The following CDC42BPA variants were observed in gnomAD, a reference collection of about 807,000 sequenced individuals.
CDC42BPA encodes the protein CDC42 binding protein kinase alpha.
Under a neutral mutation model 223.5 loss-of-function variants are expected in CDC42BPA, and 80 were observed. The observed-to-expected ratio is 0.36, with a 90% CI of 0.30 to 0.43. The LOEUF (loss-of-function observed/expected upper bound fraction) is 0.43. Among genes scored for constraint, CDC42BPA ranks in the 20% least tolerant of loss-of-function variants. CDC42BPA has a pLI of 1.00. For missense variants in CDC42BPA, 1,743 were observed against 2,099.9 expected, an observed-to-expected ratio of 0.83 and a Z score of 3.32; for synonymous variants, 694 against 718.6, an observed-to-expected ratio of 0.97 and a Z score of 0.55.
In CDC42BPA at chr1:227,304,402, T is replaced by C. The variant is rs1692200846; in HGVS notation, c.178+12603A>G. On this transcript the variant is annotated intron_variant, in intron 1 of 36. Transcript: ENST00000366766. Reference sequence around the variant, plus strand: ...GCCTGGGCAACAAAGCAAGATTCTATCTCAAAAAAAAAACAAAAAAAGAAA... The same window carrying C: ...GCCTGGGCAACAAAGCAAGATTCTACCTCAAAAAAAAAACAAAAAAAGAAA... Among the ~76,000 whole-genome samples, 2 of 135,280 alleles carry C rather than the reference T, an allele frequency of 1.5e-5. 1 individual carries two copies. 88.7% of individuals were successfully genotyped at this position (135,280 alleles called of 152,430 possible). A position where few individuals can be genotyped will look rare whatever the true frequency, so the allele number is the denominator to read the frequency against.
intron 1 of CDC42BPA, among the ~76,000 whole-genome samples, chr1:227,256,938 TATATATACAGACAC>T (rs1233097046): frequency 6.7e-5 from 8 of 120,086 alleles, no homozygotes; most frequent in South Asian, 3.0e-4. Flanking sequence ...AAATGTGATA[TATATATACAGACAC>T]ACACACACAC....
At chr1:227,303,190 A>C (rs1691965469) in intron 1 of CDC42BPA, among the ~76,000 whole-genome samples, 1 of 152,182 alleles carries the variant, frequency 6.6e-6, no homozygotes, top group Admixed American at 6.5e-5. Flanking sequence ...TCCTTGGGTG[A>C]AACCCCCTGA....
chr1:227,035,683 C>A, intron 24 of CDC42BPA, 76 bp from the exon 25 acceptor site: 2 of 1,029,650 alleles, frequency 1.9e-6, no homozygotes. Context: ...TCACTGCATA[C>A]AAGATGCTAT....
intron 15 of CDC42BPA, among the ~76,000 whole-genome samples, chr1:227,096,733 A>G (rs752726014): frequency 2.6e-5 from 4 of 152,062 alleles, no homozygotes; most frequent in Non-Finnish European, 4.4e-5. Context: ...GTAAATATCA[A>G]TGCTCCTCAG....
chr1:227,032,796 C>T (rs1272100186), intron 27 of CDC42BPA, among the ~76,000 whole-genome samples: 5 of 152,102 alleles, frequency 3.3e-5, no homozygotes, highest in Non-Finnish European at 7.3e-5. Flanking sequence ...CAGCCAGCAC[C>T]CAGATGTAAG....
chr1:227,316,897 T>C lies in CDC42BPA; in HGVS notation c.178+108A>G, dbSNP rs531478922. On this transcript the variant is annotated intron_variant, in intron 1 of 36. Coordinates refer to ENST00000366766, the MANE Select transcript of CDC42BPA (RefSeq NM_001394014.1). ...TGAATAACTAGTGTCTGTTTTTTTA[T>C]TGTATTTTTTCTTTGAACGGAGTAG... 7 of 791,158 alleles carry C rather than the reference T, an allele frequency of 8.8e-6. No homozygotes were observed. In the East Asian group the frequency reaches 1.4e-4, roughly 16 times the overall value. 49.0% of individuals were successfully genotyped at this position (791,158 alleles called of 1,614,324 possible).
chr1:227,034,337 T>C (rs1353634717), intron 26 of CDC42BPA, among the ~76,000 whole-genome samples: 1 of 152,170 alleles, frequency 6.6e-6, no homozygotes, highest in Non-Finnish European at 1.5e-5. Context: ...ACATTGAAAT[T>C]ATACTCTAAG....
At chr1:227,297,756 A>C (rs1296789295) in intron 1 of CDC42BPA, among the ~76,000 whole-genome samples, 4 of 152,022 alleles carry the variant, frequency 2.6e-5, no homozygotes, top group Non-Finnish European at 5.9e-5. Context: ...GACAGAAAGT[A>C]GATCAGAAGT....
chr1:227,025,941 G>A (rs1056574368), intron 31 of CDC42BPA, 114 bp downstream of exon 31: 22 of 622,926 alleles, frequency 3.5e-5, no homozygotes, highest in African/African-American at 5.7e-5. Context: ...GTCCCAAACT[G>A]CCAATTACAC....
At chr1:227,133,038 G>A (rs1657579479) in intron 10 of CDC42BPA, among the ~76,000 whole-genome samples, 1 of 151,588 alleles carries the variant, frequency 6.6e-6, no homozygotes, top group Non-Finnish European at 1.5e-5. Context: ...CGGGAGGGAG[G>A]TGGGGGTCAG....
chr1:227,277,259 C>T (rs534027887), intron 1 of CDC42BPA, among the ~76,000 whole-genome samples: 1 of 152,006 alleles, frequency 6.6e-6, no homozygotes, highest in Non-Finnish European at 1.5e-5. Flanking sequence ...AATCCTATCT[C>T]TAATAAAGAA....
At chr1:227,165,649 G>C (rs908382089) in intron 5 of CDC42BPA, among the ~76,000 whole-genome samples, 1 of 152,124 alleles carries the variant, frequency 6.6e-6, no homozygotes, top group African/African-American at 2.4e-5. Context: ...AGAATGCAGG[G>C]AGGAAAAGTA....
intron 1 of CDC42BPA, among the ~76,000 whole-genome samples, chr1:227,267,822 T>C (rs565283191): frequency 9.2e-5 from 14 of 152,270 alleles, no homozygotes; most frequent in African/African-American, 3.1e-4. Flanking sequence ...ATTGGCCCCA[T>C]GATCCAATCA....
intron 24 of CDC42BPA, 98 bp from the exon 25 acceptor site, chr1:227,035,705 G>A (rs1670084584): frequency 1.4e-6 from 1 of 737,632 alleles, no homozygotes. Flanking sequence ...TTAGATGAAT[G>A]CTTATCTCCA....
At chr1:227,101,778 G>A (rs1487512069) in intron 14 of CDC42BPA, among the ~76,000 whole-genome samples, 1 of 151,518 alleles carries the variant, frequency 6.6e-6, no homozygotes, top group African/African-American at 2.4e-5. Flanking sequence ...ATCTACACTA[G>A]AAAAAAAACG....
intron 12 of CDC42BPA, among the ~76,000 whole-genome samples, chr1:227,118,348 G>A (rs904013822): frequency 6.6e-6 from 1 of 151,986 alleles, no homozygotes; most frequent in African/African-American, 2.4e-5. Flanking sequence ...AAACCATAAT[G>A]AGCTGTCACT....
At chr1:227,276,039 A>C (rs1056925191) in intron 1 of CDC42BPA, among the ~76,000 whole-genome samples, 2 of 152,074 alleles carry the variant, frequency 1.3e-5, no homozygotes, top group African/African-American at 4.8e-5. Flanking sequence ...CTGGGAAGTG[A>C]GGAGCGTCTC....
At chr1:227,033,267 T>C (rs950401642) in intron 27 of CDC42BPA, 67 bp downstream of exon 27, 191 of 987,880 alleles carry the variant, frequency 1.9e-4, no homozygotes, top group Non-Finnish European at 2.9e-4. Flanking sequence ...ATGATTTATA[T>C]AGGGAGGCAA....
At chr1:227,277,078 TAAAAAAAAAAA>T (rs199895591) in intron 1 of CDC42BPA, among the ~76,000 whole-genome samples, 1 of 105,022 alleles carries the variant, frequency 9.5e-6, no homozygotes, top group Non-Finnish European at 2.1e-5. Flanking sequence ...CAATAAATAC[TAAAAAAAAAAA>T]AAAAAAGAAA....
Sources: allele counts gnomAD v4.1 joint callset (sites outside exome capture counted in the v4.1 genomes callset), GRCh38; gene constraint gnomAD v4.1.1; transcripts MANE v1.5; gene names NCBI Gene and HGNC (gene_info 2026-07-23, HGNC 2026-07-21).